Variants in HVCN1 observed in about 807,000 individuals in gnomAD.
HVCN1 encodes the protein voltage-gated hydrogen channel 1.
Under a neutral mutation model 29.2 loss-of-function variants are expected in HVCN1, and 14 were observed. The observed-to-expected ratio is 0.48, with a 90% CI of 0.32 to 0.75. HVCN1 has a LOEUF of 0.75. HVCN1 is among the 30% of genes least tolerant of loss of function. The probability of loss-of-function intolerance (pLI) is 0.04; values close to 1 mark genes in which losing one functional copy is unlikely to be tolerated. For synonymous variants in HVCN1, 131 were observed against 133.2 expected, an observed-to-expected ratio of 0.98 and a Z score of 0.11; for missense variants, 263 against 341.8, an observed-to-expected ratio of 0.77 and a Z score of 1.82.
At chr12:110,682,976 A>C in intron 3 of HVCN1, 1 of 445,404 alleles carries the variant, frequency 2.2e-6, no homozygotes, top group Non-Finnish European at 4.0e-6. Flanking sequence ...AAAAAAAAAA[A>C]ACAAAAAAAA....
chr12:110,658,828 C>T lies in HVCN1; in HGVS notation c.306+2336G>A, dbSNP rs1228861590. Among the ~76,000 whole-genome samples the T allele has an allele frequency of 6.6e-6, 1 of 152,208 alleles. No individual in the cohort carries two copies. The highest frequency in any genetic ancestry group is 1.5e-5 in the Non-Finnish European group (1 of 68,046). Reference sequence around the variant, plus strand: ...TACACAGCAGGTGCTCAATAAGTGACTGTTGGGTGGGTGAATAAACACCTC... The same window carrying T: ...TACACAGCAGGTGCTCAATAAGTGATTGTTGGGTGGGTGAATAAACACCTC... On this transcript the variant is annotated intron_variant, in intron 4 of 7. Coordinates refer to ENST00000242607, the MANE Select transcript of HVCN1 (RefSeq NM_032369.4). This position sits in a 1 kb window ranked among gnomAD's most constrained non-coding sequence, Gnocchi z 5.0.
chr12:110,699,242 G>A (rs1047099838), intron 2 of HVCN1, among the ~76,000 whole-genome samples: 5 of 152,280 alleles, frequency 3.3e-5, no homozygotes, highest in East Asian at 3.9e-4. Flanking sequence ...GGCACATTTC[G>A]TGTTCTCGGC....
At chr12:110,650,695 G>GTT (rs63680261) in intron 6 of HVCN1, among the ~76,000 whole-genome samples, 44 of 129,504 alleles carry the variant, frequency 3.4e-4, no homozygotes, top group Non-Finnish European at 4.8e-4. Context: ...CAAGAGTCCA[G>GTT]TTTTTTTTTT....
intron 2 of HVCN1, among the ~76,000 whole-genome samples, chr12:110,698,934 C>T (rs998207591): frequency 2.3e-4 from 35 of 152,188 alleles, no homozygotes; most frequent in African/African-American, 7.7e-4. Context: ...TCGAGACCAA[C>T]CTGGCCAACA....
chr12:110,656,298 AAC>A (rs1271755994), intron 4 of HVCN1, among the ~76,000 whole-genome samples: 1 of 152,144 alleles, frequency 6.6e-6, no homozygotes, highest in Non-Finnish European at 1.5e-5. Flanking sequence ...TGCTATGGGA[AAC>A]ACAGCCTCCT....
intron 2 of HVCN1, among the ~76,000 whole-genome samples, chr12:110,699,035 G>T (rs1464067667): frequency 6.6e-6 from 1 of 152,232 alleles, no homozygotes; most frequent in Non-Finnish European, 1.5e-5. Context: ...GGCTGAGGCA[G>T]AAGAATCACG....
intron 3 of HVCN1, among the ~76,000 whole-genome samples, chr12:110,678,468 T>G (rs1448697746): frequency 9.7e-6 from 1 of 102,940 alleles, no homozygotes; most frequent in Admixed American, 1.0e-4. Flanking sequence ...TTTTTTTTTT[T>G]GAGACAGGGT....
intron 5 of HVCN1, 22 bp downstream of exon 5, chr12:110,655,212 C>G: frequency 2.5e-6 from 4 of 1,575,038 alleles, no homozygotes; most frequent in Non-Finnish European, 8.7e-7. Context: ...AGTAAGACCC[C>G]AGAAGAGCTG....
chr12:110,671,262 A>G (rs1261238762), intron 3 of HVCN1, among the ~76,000 whole-genome samples: 1 of 152,176 alleles, frequency 6.6e-6, no homozygotes, highest in Admixed American at 6.5e-5. Flanking sequence ...GAGAGGCTGC[A>G]GTGAGCCGAG....
intron 2 of HVCN1, among the ~76,000 whole-genome samples, chr12:110,699,801 G>C (rs1407927445): frequency 6.6e-6 from 1 of 152,150 alleles, no homozygotes. Context: ...GATGAGTTAG[G>C]ATTATGTTCT....
intron 2 of HVCN1, among the ~76,000 whole-genome samples, chr12:110,687,464 C>T (rs1039064832): frequency 1.3e-5 from 2 of 152,048 alleles, no homozygotes; most frequent in African/African-American, 4.8e-5. Context: ...CCTGAGAGAG[C>T]GGAGTACTTA....
At chr12:110,649,819 G>A (rs892417012) in intron 7 of HVCN1, among the ~76,000 whole-genome samples, 2 of 152,204 alleles carry the variant, frequency 1.3e-5, no homozygotes, top group African/African-American at 4.8e-5. Context: ...TGCTGCAGGC[G>A]GGTGCTGCGG....
chr12:110,669,270 G>A (rs930410203), intron 3 of HVCN1, among the ~76,000 whole-genome samples: 4 of 151,960 alleles, frequency 2.6e-5, no homozygotes, highest in African/African-American at 9.7e-5. Flanking sequence ...GAACCTGGCT[G>A]GCACTCCATC....
rs2068743543 is a variant in HVCN1 at position 110,676,087 on chromosome 12, C to T, written c.21+7138G>A. Among the ~76,000 whole-genome samples the T allele has an allele frequency of 6.6e-6, 1 of 152,170 alleles. No homozygotes were observed. The highest frequency in any genetic ancestry group is 1.5e-5 in the Non-Finnish European group (1 of 68,034). On this transcript the variant is annotated intron_variant, in intron 3 of 7. Transcript: ENST00000242607. The surrounding 1 kb of genome is among the most constrained non-coding windows in gnomAD (Gnocchi z 4.1). ...GCTTCCTGGTCCAGGGTCTTAACAC[C>T]ACCCAGGCAGGGCCAGAGCGGCTGT...
intron 3 of HVCN1, among the ~76,000 whole-genome samples, chr12:110,666,715 C>A (rs1415087470): frequency 1.3e-5 from 2 of 152,124 alleles, no homozygotes; most frequent in Non-Finnish European, 2.9e-5. Context: ...TACTCTTCTC[C>A]CCAATCCGAG....
At chr12:110,673,534 A>C (rs1276256032) in intron 3 of HVCN1, among the ~76,000 whole-genome samples, 1 of 152,200 alleles carries the variant, frequency 6.6e-6, no homozygotes, top group Non-Finnish European at 1.5e-5. Flanking sequence ...GACCTTGGGA[A>C]AATGTCTCCA....
At chr12:110,657,008 T>G (rs1027203339) in intron 4 of HVCN1, among the ~76,000 whole-genome samples, 1 of 152,218 alleles carries the variant, frequency 6.6e-6, no homozygotes, top group Non-Finnish European at 1.5e-5. Context: ...GATGAGGTTC[T>G]GACCCCCGCT....
intron 2 of HVCN1, chr12:110,702,259 C>T (rs2069571758): frequency 6.6e-6 from 1 of 152,084 alleles, no homozygotes; most frequent in Non-Finnish European, 1.5e-5. Flanking sequence ...TGGTCTGGGC[C>T]TGGTGTATGT....
exon 1 of HVCN1, chr12:110,704,908 A>G (rs2069591704): frequency 1.3e-5 from 2 of 152,112 alleles, no homozygotes; most frequent in South Asian, 4.1e-4. Flanking sequence ...GCACTTCTCC[A>G]CCTGCACATG....
Sources: gnomAD v4.1 joint callset for allele counts (sites outside exome capture counted in the v4.1 genomes callset) on GRCh38, gnomAD v4.1.1 for gene constraint, Gnocchi (gnomAD v3.1) non-coding constraint, MANE v1.5 for transcripts, NCBI Gene and HGNC (gene_info 2026-07-23, HGNC 2026-07-21) for gene names.